DISC1: variants seen among roughly 807,000 people sequenced by gnomAD.
The protein encoded by DISC1 is DISC1 scaffold protein.
A neutral mutation model predicts 84.5 loss-of-function variants in DISC1; 57 were observed. The observed-to-expected ratio is 0.67, with a 90% CI of 0.55 to 0.84. The LOEUF is 0.84. Ranked by LOEUF, DISC1 falls within the 40% of genes least tolerant of loss-of-function variation. The pLI, the probability that DISC1 is intolerant of heterozygous loss-of-function variation, is 0.00. For synonymous variants in DISC1, 411 were observed against 415.2 expected (o/e 0.99, Z 0.12); for missense variants, 1,000 against 1,057.8 (o/e 0.95, Z 0.76).
Position 232,031,341 on chromosome 1 carries a change from A to G in DISC1, c.2425+4789A>G, listed in dbSNP as rs1670026350. 6.7e-6 allele frequency among the ~76,000 whole-genome samples: 1 copy of G among 150,238 alleles called. No homozygotes were observed. Among genetic ancestry groups the G allele is most frequent in the African/African-American group, 2.4e-5 (1 of 40,892 alleles). On this transcript the variant is annotated intron_variant, in intron 12 of 12. Transcript: ENST00000439617. The surrounding 1 kb of genome is among the most constrained non-coding windows in gnomAD (Gnocchi z 4.6). Reference sequence around the variant, plus strand: ...GAGAGAAAAGGAAAGGAAAAGGAAAAGAGGAAAGAAAAGGAAAGGGAAGGG... The same window carrying G: ...GAGAGAAAAGGAAAGGAAAAGGAAAGGAGGAAAGAAAAGGAAAGGGAAGGG...
intron 10 of DISC1, among the ~76,000 whole-genome samples, chr1:231,984,656 C>T (rs1401403499): frequency 2.6e-5 from 4 of 152,132 alleles, no homozygotes; most frequent in Admixed American, 6.5e-5. Flanking sequence ...CTTGTTGTCT[C>T]ATGGCTGGGA....
chr1:231,921,536 T>C (rs185415110), intron 9 of DISC1, among the ~76,000 whole-genome samples: 28 of 130,832 alleles, frequency 2.1e-4, no homozygotes, highest in African/African-American at 7.8e-4. Flanking sequence ...TACTTTTATA[T>C]TATGAATATA....
intron 9 of DISC1, chr1:231,941,134 T>G (rs1279625294): frequency 2.6e-5 from 4 of 152,212 alleles, no homozygotes; most frequent in African/African-American, 9.7e-5. Flanking sequence ...TATGGCAGCC[T>G]TCACATTGCA....
chr1:231,728,814 G>A (rs950848687), intron 3 of DISC1, among the ~76,000 whole-genome samples: 1 of 79,812 alleles, frequency 1.3e-5, no homozygotes, highest in Non-Finnish European at 3.1e-5. Context: ...TGTATCTTTC[G>A]GCTTCTCCTT....
intron 9 of DISC1, among the ~76,000 whole-genome samples, chr1:231,927,346 T>C (rs913506375): frequency 2.6e-4 from 39 of 152,244 alleles, no homozygotes; most frequent in African/African-American, 8.9e-4. Flanking sequence ...TTTTTTGTTA[T>C]TTGTAGATTT....
chr1:231,813,164 C>G (rs1574012677), intron 8 of DISC1: 1 of 152,316 alleles, frequency 6.6e-6, no homozygotes, highest in East Asian at 1.9e-4. Flanking sequence ...TGTACCGGCA[C>G]TCGCTCTGTA....
chr1:231,956,319 G>C (rs1659490707), intron 9 of DISC1, among the ~76,000 whole-genome samples: 1 of 152,074 alleles, frequency 6.6e-6, no homozygotes, highest in Admixed American at 6.5e-5. Flanking sequence ...ATAAAACTTT[G>C]GTCACATAAA....
intron 3 of DISC1, among the ~76,000 whole-genome samples, chr1:231,715,269 G>A (rs911857717): frequency 1.6e-4 from 24 of 152,152 alleles, no homozygotes; most frequent in African/African-American, 5.6e-4. Flanking sequence ...ATTGCCTAGT[G>A]AAACATGCAC....
chr1:231,914,115 C>T (rs1019259145), intron 9 of DISC1, among the ~76,000 whole-genome samples: 4 of 152,222 alleles, frequency 2.6e-5, no homozygotes, highest in African/African-American at 9.7e-5. Context: ...CCACTCCGCC[C>T]ATCCCTAGCA....
rs780245731 is a variant in DISC1 at position 231,818,381 on chromosome 1, A to G, written c.1845A>G (p.Thr615=). The G allele has an allele frequency of 6.2e-7, 1 of 1,614,158 alleles. No individual in the cohort carries two copies. Among genetic ancestry groups the G allele is most frequent in the African/African-American group, 1.3e-5 (1 of 75,056 alleles). ...TCACCGAGGAGATTAGATCATTAACATCAGAGAGAGAAGGGCTGGAGGGAC... is the reference window on the plus strand; with the variant it reads ...TCACCGAGGAGATTAGATCATTAACGTCAGAGAGAGAAGGGCTGGAGGGAC... ...KDLTEEIRSL[T]SEREGLEGLL... The change falls in exon 9 of 13, where the codon ACA becomes ACG. Residue 615 remains threonine (T), a synonymous_variant. Coordinates refer to ENST00000439617, the MANE Select transcript of DISC1 (RefSeq NM_018662.3).
In DISC1 at chr1:231,753,680, G is replaced by T. The variant is rs145492710; in HGVS notation, c.1268+3604G>T. Among the ~76,000 whole-genome samples, 7 of 152,170 alleles carry T rather than the reference G, an allele frequency of 4.6e-5. No homozygotes were observed. In the East Asian group the frequency reaches 1.4e-3, roughly 29 times the overall value. ...CTGCTTGAATTCCTCCCTCGAAAAT[G>T]GTCTTTTCTTTTCTACCACATGGCC... On this transcript the variant is annotated intron_variant, in intron 4 of 12. Coordinates refer to ENST00000439617, the MANE Select transcript of DISC1 (RefSeq NM_018662.3).
At chr1:231,817,266 G>A (rs1353217623) in intron 8 of DISC1, among the ~76,000 whole-genome samples, 4 of 152,114 alleles carry the variant, frequency 2.6e-5, no homozygotes, top group African/African-American at 9.7e-5. Flanking sequence ...TATATTTTTA[G>A]TAGAGATAGG....
chr1:231,910,846 A>T (rs2089138351), intron 9 of DISC1, among the ~76,000 whole-genome samples: 1 of 152,114 alleles, frequency 6.6e-6, no homozygotes, highest in South Asian at 2.1e-4. Flanking sequence ...TTGCTTTATG[A>T]ATCTGGGTGC....
At chr1:231,683,763 G>A (rs992528715) in intron 1 of DISC1, among the ~76,000 whole-genome samples, 2 of 151,156 alleles carry the variant, frequency 1.3e-5, no homozygotes, top group South Asian at 2.1e-4. Context: ...CCACCTCTCT[G>A]TGGCCCAGGT....
intron 9 of DISC1, among the ~76,000 whole-genome samples, chr1:231,859,178 T>A (rs2084472906): frequency 6.6e-6 from 1 of 152,242 alleles, no homozygotes; most frequent in African/African-American, 2.4e-5. Context: ...GTGCCCCATG[T>A]CTATCTGACA....
intron 5 of DISC1, among the ~76,000 whole-genome samples, chr1:231,768,998 A>C (rs2076363252): frequency 1.3e-5 from 2 of 152,144 alleles, no homozygotes; most frequent in African/African-American, 2.4e-5. Context: ...CTGGAGGCCC[A>C]TGTGGCTGGA....
intron 3 of DISC1, among the ~76,000 whole-genome samples, chr1:231,713,453 G>A (rs2068140267): frequency 6.6e-6 from 1 of 151,942 alleles, no homozygotes; most frequent in Non-Finnish European, 1.5e-5. Context: ...GAGAAATAAA[G>A]TGATAGAAAT....
intron 4 of DISC1, among the ~76,000 whole-genome samples, chr1:231,762,088 CTTTTCTT>C (rs1436492797): frequency 3.3e-5 from 5 of 151,632 alleles, no homozygotes; most frequent in African/African-American, 9.7e-5. Flanking sequence ...TTTTCTTTCT[CTTTTCTT>C]TTTTCTTTCT....
intron 9 of DISC1, among the ~76,000 whole-genome samples, chr1:231,937,304 T>G (rs999772427): frequency 1.5e-4 from 23 of 152,228 alleles, no homozygotes; most frequent in Non-Finnish European, 2.8e-4. Flanking sequence ...TATTAGCCAT[T>G]CCGGTGTCAA....
Sources: allele counts gnomAD v4.1 joint callset (sites outside exome capture counted in the v4.1 genomes callset), GRCh38; gene constraint gnomAD v4.1.1; non-coding constraint Gnocchi (gnomAD v3.1); transcripts MANE v1.5; gene names NCBI Gene and HGNC (gene_info 2026-07-23, HGNC 2026-07-21).